Variants in ZWILCH observed in about 807,000 individuals in gnomAD.
ZWILCH encodes protein zwilch homolog.
Under a neutral mutation model 79.9 loss-of-function variants are expected in ZWILCH, and 74 were observed. The observed-to-expected ratio is 0.93, with a 90% CI of 0.77 to 1.12. The LOEUF (loss-of-function observed/expected upper bound fraction) is 1.12. Among genes scored for constraint, ZWILCH ranks in the 50% most tolerant of loss-of-function variants. ZWILCH has a pLI of 0.00. For synonymous variants in ZWILCH, 241 were observed against 228.2 expected (o/e 1.06, Z -0.51); for missense variants, 694 against 687.5 (o/e 1.01, Z -0.11).
In ZWILCH at chr15:66,518,937, A is replaced by G; in HGVS notation, c.379A>G (p.Asn127Asp). The change falls in exon 5 of 19, where the codon AAT becomes GAT. Residue 127 changes from asparagine (N) to aspartate (D), a missense_variant. Transcript: ENST00000307897. Reference protein sequence around the residue: ...HNPNMTHLKINLPVTALPPLW... With the variant: ...HNPNMTHLKIDLPVTALPPLW... ...TCCTAATATGACCCATTTGAAGATT[A>G]ATCTGCCAGTTACTGCCCTTCCTCC... 6.2e-7 allele frequency: 1 copy of G among 1,614,256 alleles called. No homozygotes were observed. The highest frequency in any genetic ancestry group is 8.5e-7 in the Non-Finnish European group (1 of 1,180,038).
intron 12 of ZWILCH, 65 bp from the exon 13 acceptor site, chr15:66,532,182 T>C: frequency 7.7e-7 from 1 of 1,290,492 alleles, no homozygotes; most frequent in South Asian, 1.7e-5. Flanking sequence ...AATTTGCTTC[T>C]CTTTTACTTG....
At chr15:66,514,218 T>C in intron 3 of ZWILCH, 135 bp downstream of exon 3, 1 of 546,694 alleles carries the variant, frequency 1.8e-6, no homozygotes, top group Non-Finnish European at 3.3e-6. Flanking sequence ...GTAAGTGTAG[T>C]GCTGTCCAGT....
chr15:66,538,988 C>G (rs1482641634), intron 16 of ZWILCH, among the ~76,000 whole-genome samples: 1 of 152,192 alleles, frequency 6.6e-6, no homozygotes, highest in East Asian at 1.9e-4. Flanking sequence ...CTCTGAGCTT[C>G]AGACCCATCT....
chr15:66,514,944 A>G (rs1391587496), intron 3 of ZWILCH, among the ~76,000 whole-genome samples: 2 of 151,928 alleles, frequency 1.3e-5, no homozygotes, highest in Non-Finnish European at 2.9e-5. Context: ...AAGTTGGAGC[A>G]CTTCCTTTTC....
At chr15:66,507,781 AAATT>A (rs1893881407) in intron 1 of ZWILCH, among the ~76,000 whole-genome samples, 1 of 152,108 alleles carries the variant, frequency 6.6e-6, no homozygotes, top group African/African-American at 2.4e-5. Flanking sequence ...TACAAAAAGA[AAATT>A]AACCCGGCGT....
At chr15:66,537,133 T>C (rs1440206978) in intron 15 of ZWILCH, 35 bp from the exon 16 acceptor site, 4 of 1,571,068 alleles carry the variant, frequency 2.5e-6, no homozygotes, top group East Asian at 4.5e-5. Flanking sequence ...CAAATGGCTC[T>C]TTTTTCCAAA....
At chr15:66,543,196 C>T (rs1895248914) in intron 17 of ZWILCH, among the ~76,000 whole-genome samples, 1 of 152,048 alleles carries the variant, frequency 6.6e-6, no homozygotes, top group South Asian at 2.1e-4. Flanking sequence ...AAGACTCCAT[C>T]TCAAAAAATA....
Position 66,548,361 on chromosome 15 carries a change from A to G in ZWILCH, c.*37A>G. 1 of 481,498 alleles carries G rather than the reference A, an allele frequency of 2.1e-6. No homozygotes were observed. 29.8% of individuals were successfully genotyped at this position (481,498 alleles called of 1,614,324 possible). ...ATTCTTAAATCCCAGCACAAGCCAA[A>G]AAGAGAAAGAGAAAAAAAGGTAATT... is the stretch of plus-strand genomic sequence containing the variant. On this transcript the variant is annotated 3_prime_UTR_variant, in exon 19 of 19. Coordinates refer to ENST00000307897, the MANE Select transcript of ZWILCH (RefSeq NM_017975.5).
chr15:66,532,230 A>G lies in ZWILCH; in HGVS notation c.1156-17A>G. ...ATATATTTATTCATGGTTTTATAAA[A>G]TTTTCCTGATTTCTAGCTCCATAGT... On this transcript the variant is annotated splice_polypyrimidine_tract_variant and intron_variant, in intron 12 of 18. Coordinates refer to ENST00000307897, the MANE Select transcript of ZWILCH (RefSeq NM_017975.5). 6.5e-7 allele frequency: 1 copy of G among 1,547,594 alleles called. No individual in the cohort carries two copies. The highest frequency in any genetic ancestry group is 1.3e-5 in the South Asian group (1 of 79,926).
intron 4 of ZWILCH, 54 bp from the exon 5 acceptor site, chr15:66,518,825 A>G: frequency 6.5e-7 from 1 of 1,533,124 alleles, no homozygotes; most frequent in Non-Finnish European, 9.0e-7. Context: ...AAATTAAAGA[A>G]ATTCTTGAAT....
chr15:66,510,204 T>TAAATAAAATAAATAAAATAAAATAAAATA (rs1894003660), intron 2 of ZWILCH, among the ~76,000 whole-genome samples: 1 of 138,538 alleles, frequency 7.2e-6, no homozygotes, highest in Non-Finnish European at 1.6e-5. Context: ...TAAAATAAAA[T>TAAATAAAATAAATAAAATAAAATAAAATA]AAATAAAATA....
At chr15:66,541,544 T>C (rs1193103557) in intron 17 of ZWILCH, among the ~76,000 whole-genome samples, 1 of 152,188 alleles carries the variant, frequency 6.6e-6, no homozygotes, top group Non-Finnish European at 1.5e-5. Flanking sequence ...TCTGTCATAG[T>C]GTCTTCTCCA....
Position 66,548,581 on chromosome 15 carries a change from A to G in ZWILCH, c.*257A>G, listed in dbSNP as rs1895469959. 1 of 1,610,502 alleles carries G rather than the reference A, an allele frequency of 6.2e-7. No homozygotes were observed. Among genetic ancestry groups the G allele is most frequent in the Non-Finnish European group, 8.5e-7 (1 of 1,176,852 alleles). On this transcript the variant is annotated 3_prime_UTR_variant, in exon 19 of 19. Transcript: ENST00000307897. Reference sequence around the variant, plus strand: ...AGTGGGTACCACGATCTCCGTAACCATTTGCATGTGACTTAGCAAGGGCTC... The same window carrying G: ...AGTGGGTACCACGATCTCCGTAACCGTTTGCATGTGACTTAGCAAGGGCTC...
intron 8 of ZWILCH, among the ~76,000 whole-genome samples, chr15:66,526,483 T>G (rs1894676673): frequency 6.6e-6 from 1 of 150,944 alleles, no homozygotes; most frequent in South Asian, 2.1e-4. Flanking sequence ...CTTTTTTTTT[T>G]GAGTCTTGCT....
At chr15:66,534,137 T>G (rs1403427488) in intron 14 of ZWILCH, among the ~76,000 whole-genome samples, 2 of 152,148 alleles carry the variant, frequency 1.3e-5, no homozygotes, top group Non-Finnish European at 2.9e-5. Context: ...AAGGGATGAT[T>G]ATGTCTGTAC....
Position 66,519,006 on chromosome 15 carries a change from T to C in ZWILCH, c.448T>C (p.Trp150Arg). ...CAGTTCAGATCCTGAAGGTACTTGT[T>C]GGCTAGGAGCTGAGCTTATCACAAC... ...CDSSDPEGTCWLGAELITTNN... is the reference protein window; with the variant it reads ...CDSSDPEGTCRLGAELITTNN... Residue 150 changes from tryptophan to arginine, a missense_variant, in exon 5 of 19, where the codon TGG (tryptophan) becomes CGG (arginine). Trp to Arg is a moderately radical substitution (Grantham distance 101). Coordinates refer to ENST00000307897, the MANE Select transcript of ZWILCH (RefSeq NM_017975.5). The C allele has an allele frequency of 6.2e-7, 1 of 1,614,238 alleles. No individual in the cohort carries two copies. Among genetic ancestry groups the C allele is most frequent in the South Asian group, 1.1e-5 (1 of 91,092 alleles).
intron 18 of ZWILCH, 137 bp from the exon 19 acceptor site, chr15:66,548,214 C>T (rs1198551543): frequency 1.3e-5 from 3 of 239,638 alleles, no homozygotes; most frequent in Non-Finnish European, 2.4e-5. Context: ...TACTATGATG[C>T]CATTTTTGTA....
At chr15:66,530,839 A>AT (rs1894831334) in intron 12 of ZWILCH, among the ~76,000 whole-genome samples, 1 of 152,222 alleles carries the variant, frequency 6.6e-6, no homozygotes, top group Non-Finnish European at 1.5e-5. Context: ...TACATTCCAG[A>AT]GTAAAGGCAT....
intron 9 of ZWILCH, 67 bp from the exon 10 acceptor site, chr15:66,527,790 G>T (rs1241787185): frequency 1.4e-5 from 20 of 1,382,842 alleles, no homozygotes; most frequent in East Asian, 7.3e-5. Context: ...TTTGAAAATA[G>T]GATTAGGATG....
Sources: allele counts gnomAD v4.1 joint callset (sites outside exome capture counted in the v4.1 genomes callset), GRCh38; gene constraint gnomAD v4.1.1; transcripts MANE v1.5; gene names NCBI Gene and HGNC (gene_info 2026-07-23, HGNC 2026-07-21).